Variants in SEPTIN6 observed in about 807,000 individuals in gnomAD.
The protein encoded by SEPTIN6 is septin-6.
In SEPTIN6, 8 loss-of-function variants were observed where a neutral mutation model predicts 33.6. The observed-to-expected ratio is 0.24, with a 90% CI of 0.14 to 0.43. SEPTIN6 has a LOEUF of 0.43. Among genes scored for constraint, SEPTIN6 ranks in the 20% least tolerant of loss-of-function variants. SEPTIN6 has a pLI of 1.00. For synonymous variants in SEPTIN6, 131 were observed against 140.0 expected (o/e 0.94, Z 0.45); for missense variants, 250 against 340.8 (o/e 0.73, Z 2.10).
chrX:119,642,359 G>A (rs752729273), intron 5 of SEPTIN6, among the ~76,000 whole-genome samples: 2 of 110,644 alleles, frequency 1.8e-5, no homozygotes, highest in South Asian at 7.7e-4. Context: ...CTGGGTACCA[G>A]CTGCTTTACA....
intron 1 of SEPTIN6, among the ~76,000 whole-genome samples, chrX:119,676,680 A>G (rs1440878133): frequency 1.8e-5 from 2 of 110,990 alleles, no homozygotes; most frequent in African/African-American, 6.6e-5. Context: ...CTGAGGCGGG[A>G]GGATTGCTTG....
chrX:119,624,805 G>A (rs761412316), intron 10 of SEPTIN6, among the ~76,000 whole-genome samples: 1 of 111,411 alleles, frequency 9.0e-6, no homozygotes, highest in African/African-American at 3.3e-5. Context: ...CGCCTCCCAG[G>A]TTCAAGCGAT....
At chrX:119,680,861 G>A (rs1404715316) in intron 1 of SEPTIN6, among the ~76,000 whole-genome samples, 3 of 107,900 alleles carry the variant, frequency 2.8e-5, no homozygotes, top group African/African-American at 1.0e-4. Flanking sequence ...GATGCCTGTA[G>A]TCCCAGCCAC....
intron 1 of SEPTIN6, chrX:119,686,430 A>C (rs2055056638): frequency 3.5e-6 from 1 of 282,363 alleles, no homozygotes; most frequent in South Asian, 3.7e-5. Flanking sequence ...CTCGCTGAGA[A>C]GGCCTGCAGA....
intron 2 of SEPTIN6, among the ~76,000 whole-genome samples, chrX:119,668,844 T>G (rs974135608): frequency 1.8e-5 from 2 of 111,266 alleles, no homozygotes; most frequent in African/African-American, 3.3e-5. Flanking sequence ...TATGAGTAAG[T>G]TCTTTAGTGG....
Position 119,680,964 on chromosome X carries a change from G to C in SEPTIN6, c.31-5296C>G, listed in dbSNP as rs191303702. Among the ~76,000 whole-genome samples, 39 of 93,578 alleles carry C rather than the reference G, an allele frequency of 4.2e-4. 1 individual carries two copies. The highest frequency in any genetic ancestry group is 3.5e-4 in the East Asian group (1 of 2,836). The allele number at this position is 93,578 out of a possible 115,157, so 81.3% of individuals were successfully genotyped here. A position where few individuals can be genotyped will look rare whatever the true frequency, so the allele number is the denominator to read the frequency against. On this transcript the variant is annotated intron_variant, in intron 1 of 10. Transcript: ENST00000394610. The stretch of plus-strand genomic sequence containing the variant: ...CCACTGCACTCCAGGCTGGGCGACA[G>C]AGTAAGACTCTGTCTCAAAAAAAAA...
At position 119,619,141 on chromosome X, in the gene SEPTIN6, C is replaced by A. The variant is rs1020871117; in HGVS notation, c.*952G>T. The stretch of plus-strand genomic sequence containing the variant: ...GAACTAGAAGACTCATCAGAGCAAA[C>A]CCCCAAACACTTGATTCTTTTGACA... On this transcript the variant is annotated 3_prime_UTR_variant, in exon 11 of 11. Coordinates refer to ENST00000394610, the MANE Select transcript of SEPTIN6 (RefSeq NM_145799.4). 3.5e-6 allele frequency: 3 copies of A among 853,021 alleles called. No homozygotes were observed. Among genetic ancestry groups the A allele is most frequent in the African/African-American group, 2.1e-5 (1 of 47,175 alleles). 70.3% of individuals were successfully genotyped at this position (853,021 alleles called of 1,213,427 possible). A position where few individuals can be genotyped will look rare whatever the true frequency, so the allele number is the denominator to read the frequency against.
At chrX:119,676,716 C>A (rs989066096) in intron 1 of SEPTIN6, among the ~76,000 whole-genome samples, 2 of 111,058 alleles carry the variant, frequency 1.8e-5, no homozygotes, top group East Asian at 5.6e-4. Context: ...GGCTGCAGTG[C>A]GCTATGATGG....
intron 7 of SEPTIN6, among the ~76,000 whole-genome samples, chrX:119,636,698 C>A (rs1256775289): frequency 8.9e-6 from 1 of 111,779 alleles, no homozygotes; most frequent in Non-Finnish European, 1.9e-5. Flanking sequence ...GGGGATTCCC[C>A]CCAGCGCAGC....
chrX:119,669,998 G>A (rs971245037), intron 2 of SEPTIN6, among the ~76,000 whole-genome samples: 4 of 111,680 alleles, frequency 3.6e-5, no homozygotes, highest in Non-Finnish European at 7.5e-5. Flanking sequence ...GCATTTAGAT[G>A]GATGAGTCTC....
intron 3 of SEPTIN6, among the ~76,000 whole-genome samples, chrX:119,662,291 C>T (rs1335850974): frequency 8.9e-6 from 1 of 111,979 alleles, no homozygotes; most frequent in Non-Finnish European, 1.9e-5. Context: ...CAACTGCCTA[C>T]TGCTGAAGGT....
chrX:119,673,841 CAAAAAA>C (rs774954935), intron 2 of SEPTIN6, among the ~76,000 whole-genome samples: 1 of 38,211 alleles, frequency 2.6e-5, no homozygotes, highest in Non-Finnish European at 4.6e-5. Context: ...GACTCTGTCT[CAAAAAA>C]AAAAAAAAAA....
chrX:119,640,055 G>A (rs1483592906), intron 6 of SEPTIN6, among the ~76,000 whole-genome samples: 2 of 104,868 alleles, frequency 1.9e-5, no homozygotes, highest in East Asian at 5.9e-4. Flanking sequence ...CAGGTGATCC[G>A]CCTTCTTCGG....
chrX:119,666,660 T>C (rs2054646436), intron 2 of SEPTIN6, among the ~76,000 whole-genome samples: 1 of 111,150 alleles, frequency 9.0e-6, no homozygotes, highest in African/African-American at 3.3e-5. Flanking sequence ...ATTGCCAGAG[T>C]GTGGGGAAAT....
chrX:119,653,261 G>A (rs1047238750), intron 3 of SEPTIN6, among the ~76,000 whole-genome samples: 2 of 111,191 alleles, frequency 1.8e-5, no homozygotes, highest in Non-Finnish European at 3.8e-5. Flanking sequence ...TCACTAGAAT[G>A]CCCCTTTCTC....
intron 10 of SEPTIN6, among the ~76,000 whole-genome samples, chrX:119,620,831 A>G (rs1015803087): frequency 1.9e-4 from 21 of 109,312 alleles, no homozygotes; most frequent in African/African-American, 6.7e-4. Context: ...CATGTTGGCC[A>G]GGCTGGTCTC....
chrX:119,643,382 T>C (rs2054188548), intron 5 of SEPTIN6, among the ~76,000 whole-genome samples: 1 of 107,977 alleles, frequency 9.3e-6, no homozygotes, highest in Non-Finnish European at 1.9e-5. Flanking sequence ...TGGGAGGTGC[T>C]TCTCTGAGCT....
intron 5 of SEPTIN6, among the ~76,000 whole-genome samples, chrX:119,649,422 C>T (rs1274047040): frequency 1.0e-5 from 1 of 100,030 alleles, no homozygotes; most frequent in Non-Finnish European, 2.0e-5. Context: ...TAACATATCT[C>T]GGTTGCAGTG....
In SEPTIN6 at chrX:119,616,953, T is replaced by G. The variant is rs1198919568; in HGVS notation, c.*3140A>C. The G allele has an allele frequency of 9.7e-7, 1 of 1,035,386 alleles. No homozygotes were observed. Among genetic ancestry groups the G allele is most frequent in the Admixed American group, 4.3e-5 (1 of 23,404 alleles). 85.3% of individuals were successfully genotyped at this position (1,035,386 alleles called of 1,213,427 possible). On this transcript the variant is annotated 3_prime_UTR_variant, in exon 11 of 11. Transcript: ENST00000394610. ...AGAACACCACACACCAGTTTAAAGC[T>G]TCTTGTTTTAATTAAAAACAAGCAC...
Sources: allele counts gnomAD v4.1 joint callset (sites outside exome capture counted in the v4.1 genomes callset), GRCh38; gene constraint gnomAD v4.1.1; transcripts MANE v1.5; gene names NCBI Gene and HGNC (gene_info 2026-07-23, HGNC 2026-07-21).